The following AP3B1 variants were observed in gnomAD, a reference collection of about 807,000 sequenced individuals.
The protein encoded by AP3B1 is adaptor related protein complex 3 subunit beta 1, also known as AP-3 complex subunit beta-1.
In AP3B1, 61 loss-of-function variants were observed where a neutral mutation model predicts 132.5. The ratio of observed to expected loss-of-function variants is 0.46; its 90% CI spans 0.37 to 0.57. The LOEUF (loss-of-function observed/expected upper bound fraction) is 0.57. AP3B1 is among the 20% of genes least tolerant of loss of function. AP3B1 has a pLI of 0.00. For missense variants in AP3B1, 1,120 were observed against 1,289.4 expected, an observed-to-expected ratio of 0.87 and a Z score of 2.01; for synonymous variants, 388 against 438.3, an observed-to-expected ratio of 0.89 and a Z score of 1.43.
intron 23 of AP3B1, among the ~76,000 whole-genome samples, chr5:78,037,850 CT>C (rs1747869181): frequency 1.3e-5 from 2 of 152,178 alleles, no homozygotes; most frequent in Non-Finnish European, 2.9e-5. Flanking sequence ...TGAAGCTTCT[CT>C]CAACTAAACC....
intron 11 of AP3B1, among the ~76,000 whole-genome samples, chr5:78,172,208 G>A (rs1339256396): frequency 6.6e-6 from 1 of 151,958 alleles, no homozygotes; most frequent in Admixed American, 6.6e-5. Flanking sequence ...CTCTTTTTTT[G>A]TGTGTGTCTC....
At chr5:78,010,591 C>T (rs993047948) in intron 26 of AP3B1, among the ~76,000 whole-genome samples, 2 of 152,268 alleles carry the variant, frequency 1.3e-5, no homozygotes, top group Admixed American at 6.5e-5. Flanking sequence ...TCAGTTTCCA[C>T]GACATTGAAC....
At chr5:78,013,040 C>T (rs1746688040) in intron 26 of AP3B1, among the ~76,000 whole-genome samples, 1 of 151,922 alleles carries the variant, frequency 6.6e-6, no homozygotes, top group Admixed American at 6.6e-5. Flanking sequence ...CTTCACTTTT[C>T]TTCTTTCTTT....
intron 22 of AP3B1, chr5:78,043,690 T>A: frequency 4.6e-6 from 2 of 435,218 alleles, no homozygotes; most frequent in South Asian, 2.0e-5. Context: ...CCAGGCATAC[T>A]CTTCATCATT....
At chr5:78,234,725 T>A (rs868659579) in intron 3 of AP3B1, among the ~76,000 whole-genome samples, 2 of 152,220 alleles carry the variant, frequency 1.3e-5, no homozygotes, top group Non-Finnish European at 2.9e-5. Context: ...CTTATTACAT[T>A]GCTTGGCATA....
intron 1 of AP3B1, among the ~76,000 whole-genome samples, chr5:78,285,667 TA>T (rs70997987): frequency 1.3e-5 from 2 of 151,532 alleles, no homozygotes; most frequent in Non-Finnish European, 2.9e-5. Flanking sequence ...TTTCCCCCTT[TA>T]AAAAAAAATT....
chr5:78,215,404 A>G (rs1298078429), intron 7 of AP3B1, among the ~76,000 whole-genome samples: 1 of 152,132 alleles, frequency 6.6e-6, no homozygotes, highest in African/African-American at 2.4e-5. Context: ...AAAATTTTCT[A>G]AATTGTCAAT....
intron 17 of AP3B1, among the ~76,000 whole-genome samples, chr5:78,118,885 G>A (rs1752001608): frequency 6.6e-6 from 1 of 152,194 alleles, no homozygotes; most frequent in African/African-American, 2.4e-5. Flanking sequence ...CCTCAAGTGG[G>A]TCCCTGACCC....
chr5:78,283,015 A>C (rs1364017539), intron 1 of AP3B1, among the ~76,000 whole-genome samples: 1 of 152,188 alleles, frequency 6.6e-6, no homozygotes, highest in Non-Finnish European at 1.5e-5. Flanking sequence ...AAACCAAAAA[A>C]GAAAAATGAA....
chr5:78,036,446 A>G (rs3822646), intron 23 of AP3B1, among the ~76,000 whole-genome samples: 4,494 of 152,224 alleles, frequency 0.03, 163 homozygotes, highest in East Asian at 0.14. Context: ...ATATCAACAC[A>G]TGAAATCATA....
intron 14 of AP3B1, among the ~76,000 whole-genome samples, chr5:78,142,218 A>G (rs1360452331): frequency 6.6e-6 from 1 of 152,226 alleles, no homozygotes; most frequent in Non-Finnish European, 1.5e-5. Flanking sequence ...CTGCTTTGTG[A>G]CAAATTGGAA....
chr5:78,226,533 T>C (rs114201565), intron 5 of AP3B1, among the ~76,000 whole-genome samples: 2,771 of 152,200 alleles, frequency 0.018, 94 homozygotes, highest in African/African-American at 0.063. Flanking sequence ...TGTATATACA[T>C]ATATATCAAG....
chr5:78,018,671 AACACACACACAC>A (rs3050070), intron 25 of AP3B1, among the ~76,000 whole-genome samples: 2 of 146,576 alleles, frequency 1.4e-5, no homozygotes, highest in East Asian at 2.0e-4. Context: ...AAGCTGGTGT[AACACACACACAC>A]ACACACACAC....
chr5:78,249,343 G>A (rs972396353), intron 2 of AP3B1, among the ~76,000 whole-genome samples: 2 of 152,260 alleles, frequency 1.3e-5, no homozygotes, highest in Non-Finnish European at 2.9e-5. Flanking sequence ...CAGCCTGGGC[G>A]ACAAGAGTGA....
In AP3B1 at chr5:78,165,654, A is replaced by G. The variant is rs574476271; in HGVS notation, c.1186T>C (p.Leu396=). 1.1e-4 allele frequency: 176 copies of G among 1,607,832 alleles called. 3 individuals carry two copies. In the South Asian group the frequency reaches 1.7e-3, roughly 16 times the overall value. The change falls in exon 12 of 27, where the codon TTG becomes CTG. Residue 396 remains leucine (L), a synonymous_variant. Coordinates refer to ENST00000255194, the MANE Select transcript of AP3B1 (RefSeq NM_003664.5). ...KTLKLEILTN[L]ANEANISTLL... ...GTTGATATGTTGGCTTCATTTGCCAAGTTTGTCAAAATTTCAAGCTATAGT... is the reference window on the plus strand; with the variant it reads ...GTTGATATGTTGGCTTCATTTGCCAGGTTTGTCAAAATTTCAAGCTATAGT...
At chr5:78,130,112 A>C (rs1033195461) in intron 15 of AP3B1, among the ~76,000 whole-genome samples, 1 of 152,170 alleles carries the variant, frequency 6.6e-6, no homozygotes, top group South Asian at 2.1e-4. Flanking sequence ...TTAATAATTA[A>C]ACCAAAATTG....
intron 13 of AP3B1, among the ~76,000 whole-genome samples, chr5:78,159,610 T>C (rs1432493637): frequency 1.3e-5 from 2 of 152,184 alleles, no homozygotes; most frequent in East Asian, 3.8e-4. Flanking sequence ...CTTTCCCTTA[T>C]AAAGACCCAC....
At position 78,002,614 on chromosome 5, in the gene AP3B1, CGAG is replaced by C. The variant is rs1746231700; in HGVS notation, c.*285_*287del. The C allele has an allele frequency of 8.8e-6, 5 of 569,770 alleles. No individual in the cohort carries two copies. Among genetic ancestry groups the C allele is most frequent in the Non-Finnish European group, 1.6e-5 (5 of 322,070 alleles). 35.3% of individuals were successfully genotyped at this position (569,770 alleles called of 1,614,324 possible). A position where few individuals can be genotyped will look rare whatever the true frequency, so the allele number is the denominator to read the frequency against. On this transcript the variant is annotated 3_prime_UTR_variant, in exon 27 of 27. Coordinates refer to ENST00000255194, the MANE Select transcript of AP3B1 (RefSeq NM_003664.5). ...CCATTGTCGAAAAAGAGAAGGAAAA[CGAG>C]GAGGCCAAAAGAAGCAGCAGGACAG...
intron 6 of AP3B1, among the ~76,000 whole-genome samples, chr5:78,220,681 G>A (rs755278324): frequency 4.0e-5 from 6 of 150,694 alleles, no homozygotes; most frequent in African/African-American, 7.3e-5. Flanking sequence ...AAAGTTTCAC[G>A]GAGAAAATTA....
Sources: allele counts gnomAD v4.1 joint callset (sites outside exome capture counted in the v4.1 genomes callset), GRCh38; gene constraint gnomAD v4.1.1; transcripts MANE v1.5; gene names NCBI Gene and HGNC (gene_info 2026-07-23, HGNC 2026-07-21).